The following CHD5 variants were observed in gnomAD, a reference collection of about 807,000 sequenced individuals.
CHD5 encodes the protein chromodomain helicase DNA binding protein 5.
CHD5 carries 69 observed loss-of-function variants against 230.3 expected under a neutral mutation model. That is an observed-to-expected ratio of 0.30 (90% CI 0.25 to 0.37). CHD5 has a LOEUF of 0.37. CHD5 is among the 10% of genes least tolerant of loss of function. The pLI is 1.00. For missense variants in CHD5, 1,827 were observed against 2,622.8 expected (o/e 0.70, Z 6.63); for synonymous variants, 1,064 against 1,065.9 (o/e 1.00, Z 0.03).
chr1:6,178,460 A>G (rs961512766), intron 1 of CHD5, among the ~76,000 whole-genome samples: 2 of 152,108 alleles, frequency 1.3e-5, no homozygotes, highest in Non-Finnish European at 2.9e-5. Flanking sequence ...CTTGCTGAGA[A>G]AACCAGTAAA....
Position 6,134,061 on chromosome 1 carries a change from A to G in CHD5, c.3144+67T>C. 6.5e-7 allele frequency: 1 copy of G among 1,528,866 alleles called. No homozygotes were observed. Among genetic ancestry groups the G allele is most frequent in the African/African-American group, 1.4e-5 (1 of 73,516 alleles). The allele number at this position is 1,528,866 out of a possible 1,614,324, so 94.7% of individuals were successfully genotyped here. A position where few individuals can be genotyped will look rare whatever the true frequency, so the allele number is the denominator to read the frequency against. On this transcript the variant is annotated intron_variant, in intron 20 of 41. Transcript: ENST00000262450. The surrounding 1 kb of genome is among the most constrained non-coding windows in gnomAD (Gnocchi z 6.3). Reference sequence around the variant, plus strand: ...GGGGTGCCAGCAAGTTTGCGCCCCCAAGCATCAGGGCAGGATGCTCTCTGT... The same window carrying G: ...GGGGTGCCAGCAAGTTTGCGCCCCCGAGCATCAGGGCAGGATGCTCTCTGT...
chr1:6,129,710 G>T lies in CHD5; in HGVS notation c.3387+494C>A, dbSNP rs1319825650. Among the ~76,000 whole-genome samples the T allele has an allele frequency of 1.3e-5, 2 of 152,002 alleles. No homozygotes were observed. The highest frequency in any genetic ancestry group is 4.8e-5 in the African/African-American group (2 of 41,380). On this transcript the variant is annotated intron_variant, in intron 22 of 41. Transcript: ENST00000262450. The surrounding 1 kb of genome is among the most constrained non-coding windows in gnomAD (Gnocchi z 6.8). ...CGAGAGGGGTGGCCAGGTACACTAG[G>T]GTGGCTCTATTCCCATACCCCTCCC...
At chr1:6,178,519 T>A (rs575368319) in intron 1 of CHD5, among the ~76,000 whole-genome samples, 39 of 152,204 alleles carry the variant, frequency 2.6e-4, no homozygotes, top group African/African-American at 9.1e-4. Context: ...GCCACTGATT[T>A]TTTTTTGTGC....
At chr1:6,120,187 C>T (rs1474163295) in intron 33 of CHD5, among the ~76,000 whole-genome samples, 1 of 151,970 alleles carries the variant, frequency 6.6e-6, no homozygotes, top group African/African-American at 2.4e-5. Context: ...GAACCTTAAA[C>T]CCAGCAATTA....
chr1:6,150,990 T>C, intron 7 of CHD5, 42 bp downstream of exon 7: 1 of 1,472,482 alleles, frequency 6.8e-7, no homozygotes, highest in Non-Finnish European at 9.1e-7. Flanking sequence ...CCCCACTACA[T>C]CCACCCAGCA....
Position 6,131,495 on chromosome 1 carries a change from G to T in CHD5, c.3262+136C>A. 1.8e-6 allele frequency: 1 copy of T among 568,360 alleles called. No homozygotes were observed. The allele number at this position is 568,360 out of a possible 1,614,324, so 35.2% of individuals were successfully genotyped here. A position where few individuals can be genotyped will look rare whatever the true frequency, so the allele number is the denominator to read the frequency against. On this transcript the variant is annotated intron_variant, in intron 21 of 41. Transcript: ENST00000262450. This position sits in a 1 kb window ranked among gnomAD's most constrained non-coding sequence, Gnocchi z 5.0. ...GGAATCCTTTTAACATTGGAAACTC[G>T]GACTGGCCTGCTGTCTTTAGCTGTT...
intron 37 of CHD5, among the ~76,000 whole-genome samples, 197 bp from the exon 38 acceptor site, chr1:6,110,187 C>T (rs1666262511): frequency 6.6e-6 from 1 of 152,232 alleles, no homozygotes; most frequent in South Asian, 2.1e-4. Context: ...TACCCCAACA[C>T]CCCAAGGCGG....
chr1:6,121,577 A>G lies in CHD5; in HGVS notation c.4700-4T>C. ...CCCAGCTGGGCTTCCATTTTGTCTG[A>G]AAGATCAAGGGAAAGAGCTGAGACA... On this transcript the variant is annotated splice_polypyrimidine_tract_variant and splice_region_variant and intron_variant, in intron 31 of 41. Coordinates refer to ENST00000262450, the MANE Select transcript of CHD5 (RefSeq NM_015557.3). This position sits in a 1 kb window ranked among gnomAD's most constrained non-coding sequence, Gnocchi z 4.5. 6.2e-7 allele frequency: 1 copy of G among 1,610,532 alleles called. No individual in the cohort carries two copies. Among genetic ancestry groups the G allele is most frequent in the East Asian group, 2.2e-5 (1 of 44,834 alleles).
At chr1:6,112,046 G>A in intron 35 of CHD5, 94 bp downstream of exon 35, 1 of 1,471,576 alleles carries the variant, frequency 6.8e-7, no homozygotes, top group Non-Finnish European at 9.4e-7. Context: ...CCATCAACCA[G>A]TCACACTCTA....
At chr1:6,124,235 C>A (rs1479066068) in intron 30 of CHD5, 128 bp from the exon 31 acceptor site, 2 of 908,182 alleles carry the variant, frequency 2.2e-6, no homozygotes, top group South Asian at 3.5e-5. Flanking sequence ...TACCTCCGCC[C>A]AAGGCTGGCC....
rs112184285 is a variant in CHD5 at position 6,120,970 on chromosome 1, G to C, written c.4912+135C>G. On this transcript the variant is annotated intron_variant, in intron 33 of 41. Transcript: ENST00000262450. ...AGCTCCTGGCCTCCCCTCACCAGGG[G>C]GCCTGCAGAGGGTTGGAGTCTACCT... The C allele has an allele frequency of 2.6e-4, 265 of 1,032,136 alleles. No homozygotes were observed. The African/African-American group carries it at 3.6e-3, about 14-fold the overall frequency. The allele number at this position is 1,032,136 out of a possible 1,614,324, so 63.9% of individuals were successfully genotyped here.
chr1:6,149,906 T>C (rs565847096), intron 7 of CHD5, among the ~76,000 whole-genome samples: 33 of 145,432 alleles, frequency 2.3e-4, no homozygotes, highest in African/African-American at 8.3e-4. Flanking sequence ...GATGTATAGA[T>C]GGATGAATGG....
chr1:6,121,297 G>T lies in CHD5; in HGVS notation c.4780-60C>A, dbSNP rs567742793. The T allele has an allele frequency of 1.9e-6, 3 of 1,580,202 alleles. No homozygotes were observed. The East Asian group carries it at 6.7e-5, about 35-fold the overall frequency. On this transcript the variant is annotated intron_variant, in intron 32 of 41. Coordinates refer to ENST00000262450, the MANE Select transcript of CHD5 (RefSeq NM_015557.3). This position sits in a 1 kb window ranked among gnomAD's most constrained non-coding sequence, Gnocchi z 4.5. Reference sequence around the variant, plus strand: ...GGGGCCTCACCAGGAACGGAGGGCGGGGAACGTGCGCTGGGCTGGGAACCC... The same window carrying T: ...GGGGCCTCACCAGGAACGGAGGGCGTGGAACGTGCGCTGGGCTGGGAACCC...
At position 6,150,534 on chromosome 1, in the gene CHD5, T is replaced by C. The variant is rs981519633; in HGVS notation, c.994+498A>G. On this transcript the variant is annotated intron_variant, in intron 7 of 41. Transcript: ENST00000262450. ...GATGGATGGATGGATGGTGGATGGA[T>C]AGCTGACGGATGGATGGACAAATGG... Among the ~76,000 whole-genome samples, 3 of 150,750 alleles carry C rather than the reference T, an allele frequency of 2.0e-5. 1 individual carries two copies. In the South Asian group the frequency reaches 6.4e-4, roughly 32 times the overall value.
chr1:6,136,926 G>A, intron 15 of CHD5, 61 bp from the exon 16 acceptor site: 1 of 1,519,914 alleles, frequency 6.6e-7, no homozygotes, highest in Non-Finnish European at 8.9e-7. Context: ...CACAGTCCCA[G>A]GAGACAAAGA....
chr1:6,115,055 G>A (rs1394563055), intron 33 of CHD5, among the ~76,000 whole-genome samples: 6 of 151,564 alleles, frequency 4.0e-5, no homozygotes, highest in Non-Finnish European at 1.5e-5. Flanking sequence ...GCTCACGCCT[G>A]TAATCCCAGC....
chr1:6,144,076 C>G lies in CHD5; in HGVS notation c.1882G>C (p.Asp628His). 1 of 1,614,182 alleles carries G rather than the reference C, an allele frequency of 6.2e-7. No individual in the cohort carries two copies. Among genetic ancestry groups the G allele is most frequent in the Non-Finnish European group, 8.5e-7 (1 of 1,180,024 alleles). Residue 628 changes from aspartate to histidine, a missense_variant, in exon 12 of 42, where the codon GAC becomes CAC. Asp to His is a moderately conservative substitution (Grantham distance 81, BLOSUM62 -1). This residue lies in a region of CHD5 where 657 missense variants were observed against 816.4 expected (regional missense o/e 0.80). Transcript: ENST00000262450. ...PYDQCTWEID[D>H]IDIPYYDNLK... ...TTGTCGTAGTAGGGGATGTCGATGT[C>G]ATCGATCTCCCAGGTGCACTGGTCG... is the stretch of plus-strand genomic sequence containing the variant.
At chr1:6,118,776 C>T (rs1306664441) in intron 33 of CHD5, among the ~76,000 whole-genome samples, 5 of 150,900 alleles carry the variant, frequency 3.3e-5, no homozygotes, top group South Asian at 2.1e-4. Context: ...CGGCTCACTG[C>T]GACCTCTGCC....
rs1198916230 is a variant in CHD5, at chr1:6,125,429, G to C, written c.4260+95C>G. 7.3e-7 allele frequency: 1 copy of C among 1,378,720 alleles called. No homozygotes were observed. Among genetic ancestry groups the C allele is most frequent in the African/African-American group, 1.4e-5 (1 of 69,744 alleles). 85.4% of individuals were successfully genotyped at this position (1,378,720 alleles called of 1,614,324 possible). ...TCTGTCCAAGCTCCGCCTCTACCTG[G>C]CATGAGACCCGGGGCAGTCCCCCAG... On this transcript the variant is annotated intron_variant, in intron 28 of 41. Transcript: ENST00000262450. The surrounding 1 kb of genome is among the most constrained non-coding windows in gnomAD (Gnocchi z 6.7).
Sources: gnomAD v4.1 joint callset for allele counts (sites outside exome capture counted in the v4.1 genomes callset) on GRCh38, gnomAD v4.1.1 for gene constraint, gnomAD v4.1.1 regional missense constraint, Gnocchi (gnomAD v3.1) non-coding constraint, MANE v1.5 for transcripts, NCBI Gene and HGNC (gene_info 2026-07-23, HGNC 2026-07-21) for gene names.